LRRTM3: variants seen among roughly 807,000 people sequenced by gnomAD.
The protein encoded by LRRTM3 is leucine rich repeat transmembrane neuronal 3.
In LRRTM3, 24 loss-of-function variants were observed where a neutral mutation model predicts 44.7. The ratio of observed to expected loss-of-function variants is 0.54; its 90% confidence interval spans 0.39 to 0.76. LRRTM3 has a LOEUF of 0.76. Among genes scored for constraint, LRRTM3 ranks in the 30% least tolerant of loss-of-function variants. The pLI, the probability that LRRTM3 is intolerant of heterozygous loss-of-function variation, is 0.00. For missense variants in LRRTM3, 587 were observed against 702.2 expected, an observed-to-expected ratio of 0.84 and a Z score of 1.85; for synonymous variants, 277 against 278.7, an observed-to-expected ratio of 0.99 and a Z score of 0.06.
chr10:67,076,171 A>G lies in LRRTM3; in HGVS notation c.1537-21416A>G, dbSNP rs1288600032. ...AAAGTGAATAATTTCAGAAGATTCA[A>G]TTCCTCCAGAGAGCTACAATTTTTC... On this transcript the variant is annotated intron_variant, in intron 2 of 2. Coordinates refer to ENST00000361320, the MANE Select transcript of LRRTM3 (RefSeq NM_178011.5). 3.9e-5 allele frequency among the ~76,000 whole-genome samples: 6 copies of G among 152,358 alleles called. No individual in the cohort carries two copies. The East Asian group carries it at 7.7e-4, about 20-fold the overall frequency.
intron 2 of LRRTM3, among the ~76,000 whole-genome samples, chr10:66,940,181 A>C (rs937344097): frequency 6.6e-6 from 1 of 152,158 alleles, no homozygotes; most frequent in African/African-American, 2.4e-5. Context: ...TGAAATTTGC[A>C]TTAATCTACT....
chr10:66,943,193 G>T (rs935741272), intron 2 of LRRTM3, among the ~76,000 whole-genome samples: 2 of 152,192 alleles, frequency 1.3e-5, no homozygotes, highest in East Asian at 3.8e-4. Flanking sequence ...GAAAAGAGCA[G>T]AGACGAGAAA....
intron 2 of LRRTM3, among the ~76,000 whole-genome samples, chr10:66,940,328 T>C (rs1847933055): frequency 6.6e-6 from 1 of 151,942 alleles, no homozygotes; most frequent in African/African-American, 2.4e-5. Context: ...GCCTCATCTC[T>C]ACAAAAAATG....
intron 2 of LRRTM3, among the ~76,000 whole-genome samples, chr10:67,032,340 A>G (rs1487315479): frequency 1.3e-5 from 2 of 152,180 alleles, no homozygotes; most frequent in East Asian, 1.9e-4. Context: ...ATCCTTAGAA[A>G]GAAATCAAGT....
At chr10:66,962,684 T>C (rs1309669482) in intron 2 of LRRTM3, among the ~76,000 whole-genome samples, 1 of 152,132 alleles carries the variant, frequency 6.6e-6, no homozygotes, top group East Asian at 1.9e-4. Context: ...GTGCTGGGAT[T>C]ACAGGCGTGA....
chr10:66,953,376 T>C (rs1848635098), intron 2 of LRRTM3, among the ~76,000 whole-genome samples: 1 of 152,210 alleles, frequency 6.6e-6, no homozygotes, highest in Non-Finnish European at 1.5e-5. Context: ...TTGTCTGAAA[T>C]GAGAGAGTTG....
chr10:67,082,991 A>G (rs1425643785), intron 2 of LRRTM3, among the ~76,000 whole-genome samples: 1 of 152,174 alleles, frequency 6.6e-6, no homozygotes, highest in African/African-American at 2.4e-5. Flanking sequence ...TTTCTGCTAT[A>G]GTCATGAGTT....
At chr10:67,026,992 T>C (rs539565998) in intron 2 of LRRTM3, among the ~76,000 whole-genome samples, 1 of 152,308 alleles carries the variant, frequency 6.6e-6, no homozygotes, top group South Asian at 2.1e-4. Flanking sequence ...TCTCAGAAAA[T>C]AAATGATGAT....
In LRRTM3 at chr10:66,927,899, A is replaced by T; in HGVS notation, c.983A>T (p.Lys328Ile). 4 of 1,614,238 alleles carry T rather than the reference A, an allele frequency of 2.5e-6. No individual in the cohort carries two copies. The highest frequency in any genetic ancestry group is 3.4e-6 in the Non-Finnish European group (4 of 1,180,040). ...ATTTGCTCCCTTGTAAACTGGCTGA[A>T]AAGTTTTAAAGGTCTAAGGGAGAAT... ...RNICSLVNWLKSFKGLRENTI... is the reference protein window; with the variant it reads ...RNICSLVNWLISFKGLRENTI... Residue 328 changes from lysine (K) to isoleucine (I), a missense_variant, in exon 2 of 3, where the codon AAA becomes ATA. Transcript: ENST00000361320. The surrounding 1 kb of genome is among the most constrained non-coding windows in gnomAD (Gnocchi z 4.7).
chr10:67,042,361 G>T (rs529018982), intron 2 of LRRTM3, among the ~76,000 whole-genome samples: 2 of 152,180 alleles, frequency 1.3e-5, no homozygotes, highest in East Asian at 3.9e-4. Flanking sequence ...AACATGATTT[G>T]ACTCCCAAGT....
At chr10:67,034,047 C>T (rs1853893511) in intron 2 of LRRTM3, among the ~76,000 whole-genome samples, 1 of 152,206 alleles carries the variant, frequency 6.6e-6, no homozygotes, top group Non-Finnish European at 1.5e-5. Flanking sequence ...GCTGAGACTA[C>T]AGGCGTGAGC....
Position 66,927,834 on chromosome 10 carries a change from C to T in LRRTM3, c.918C>T (p.Asp306=). Residue 306 remains aspartate, a synonymous_variant, in exon 2 of 3, where the codon GAC becomes GAT. Transcript: ENST00000361320. This position sits in a 1 kb window ranked among gnomAD's most constrained non-coding sequence, Gnocchi z 4.7. ...TGGATTCTTGGATATCCCTCAATGA[C>T]ATCAGTCTTGCTGGGAATATATGGG... is the stretch of plus-strand genomic sequence containing the variant. ...EILDSWISLN[D]ISLAGNIWEC... 1 of 1,614,232 alleles carries T rather than the reference C, an allele frequency of 6.2e-7. No individual in the cohort carries two copies. The highest frequency in any genetic ancestry group is 1.3e-5 in the African/African-American group (1 of 75,062).
chr10:66,956,328 G>A (rs1254349994), intron 2 of LRRTM3, among the ~76,000 whole-genome samples: 2 of 151,788 alleles, frequency 1.3e-5, no homozygotes, highest in African/African-American at 2.4e-5. Flanking sequence ...TGGGAGCAGA[G>A]GGGATTCTTC....
intron 2 of LRRTM3, among the ~76,000 whole-genome samples, chr10:67,000,571 T>C (rs1305210721): frequency 6.6e-5 from 10 of 152,120 alleles, no homozygotes; most frequent in Admixed American, 6.5e-4. Flanking sequence ...TCCTCCAACC[T>C]CTGTATCTAT....
intron 2 of LRRTM3, among the ~76,000 whole-genome samples, chr10:66,961,322 C>G (rs188056704): frequency 1.7e-4 from 26 of 152,236 alleles, no homozygotes; most frequent in African/African-American, 6.3e-4. Flanking sequence ...CCCCTTAAGG[C>G]CATCAATAAA....
At chr10:66,939,895 C>T (rs562102576) in intron 2 of LRRTM3, among the ~76,000 whole-genome samples, 1 of 152,148 alleles carries the variant, frequency 6.6e-6, no homozygotes, top group African/African-American at 2.4e-5. Context: ...AACTGCAATC[C>T]TCAAGTTCTC....
At chr10:66,974,488 A>G (rs1849911904) in intron 2 of LRRTM3, among the ~76,000 whole-genome samples, 1 of 152,194 alleles carries the variant, frequency 6.6e-6, no homozygotes, top group South Asian at 2.1e-4. Context: ...GTCATTCGCC[A>G]GCATATGTTT....
intron 2 of LRRTM3, among the ~76,000 whole-genome samples, chr10:67,074,739 TTCTG>T (rs1196086914): frequency 1.3e-5 from 2 of 152,038 alleles, no homozygotes; most frequent in Non-Finnish European, 2.9e-5. Flanking sequence ...TCTGTGTAGA[TTCTG>T]TCTTATGCCA....
At chr10:67,051,986 C>A (rs1855125137) in intron 2 of LRRTM3, among the ~76,000 whole-genome samples, 1 of 149,556 alleles carries the variant, frequency 6.7e-6, no homozygotes, top group Non-Finnish European at 1.5e-5. Context: ...AACTCCTGAC[C>A]TCAGGTGACC....
Sources: gnomAD v4.1 joint callset for allele counts (sites outside exome capture counted in the v4.1 genomes callset) on GRCh38, gnomAD v4.1.1 for gene constraint, Gnocchi (gnomAD v3.1) non-coding constraint, MANE v1.5 for transcripts, NCBI Gene and HGNC (gene_info 2026-07-23, HGNC 2026-07-21) for gene names.